Variants in ATG5 observed in about 807,000 individuals in gnomAD.
The protein encoded by ATG5 is autophagy protein 5.
ATG5 carries 14 observed loss-of-function variants against 36.5 expected under a neutral mutation model. That is an observed-to-expected ratio of 0.38 (90% CI 0.25 to 0.60). The LOEUF is 0.60. Among genes scored for constraint, ATG5 ranks in the 20% least tolerant of loss-of-function variants. The pLI, the probability that ATG5 is intolerant of heterozygous loss-of-function variation, is 0.60. For missense variants in ATG5, 195 were observed against 326.7 expected (o/e 0.60, Z 3.11); for synonymous variants, 95 against 101.5 (o/e 0.94, Z 0.38).
intron 1 of ATG5, among the ~76,000 whole-genome samples, chr6:106,323,250 T>A (rs1048783957): frequency 7.1e-6 from 1 of 140,134 alleles, no homozygotes; most frequent in African/African-American, 2.7e-5. Flanking sequence ...TTTCGCTAAG[T>A]GGAAAAGTCC....
intron 5 of ATG5, among the ~76,000 whole-genome samples, chr6:106,248,508 GACT>G (rs1778439967): frequency 6.6e-6 from 1 of 151,760 alleles, no homozygotes; most frequent in Non-Finnish European, 1.5e-5. Flanking sequence ...ATAAACATAC[GACT>G]ACTTGTGTTA....
chr6:106,227,439 TAA>T (rs1288497083), intron 6 of ATG5, among the ~76,000 whole-genome samples: 1 of 151,990 alleles, frequency 6.6e-6, no homozygotes, highest in African/African-American at 2.4e-5. Context: ...CTACAAAGAA[TAA>T]AAAGATTGGC....
At chr6:106,318,403 G>A (rs1770939935) in intron 1 of ATG5, among the ~76,000 whole-genome samples, 1 of 152,056 alleles carries the variant, frequency 6.6e-6, no homozygotes, top group Non-Finnish European at 1.5e-5. Flanking sequence ...TAAAATGAAT[G>A]ACCAATGCTG....
chr6:106,307,535 CTTTT>C (rs34511184), intron 3 of ATG5, among the ~76,000 whole-genome samples: 2 of 105,146 alleles, frequency 1.9e-5, no homozygotes, highest in African/African-American at 3.5e-5. Context: ...TTTCAATACC[CTTTT>C]TTTTTTTTTT....
At chr6:106,266,403 T>A (rs1779231273) in intron 5 of ATG5, among the ~76,000 whole-genome samples, 1 of 152,194 alleles carries the variant, frequency 6.6e-6, no homozygotes, top group Non-Finnish European at 1.5e-5. Flanking sequence ...CACAGCTGAA[T>A]TCTACCACAG....
intron 2 of ATG5, 38 bp from the exon 3 acceptor site, chr6:106,308,529 G>T: frequency 7.1e-7 from 1 of 1,417,404 alleles, no homozygotes; most frequent in Non-Finnish European, 9.4e-7. Context: ...TTATTTACTA[G>T]TTATTATTTT....
chr6:106,226,091 T>G (rs904389400), intron 6 of ATG5, among the ~76,000 whole-genome samples: 4 of 152,172 alleles, frequency 2.6e-5, no homozygotes, highest in African/African-American at 4.8e-5. Flanking sequence ...ATAAATTGCT[T>G]GCCGTATCAT....
intron 6 of ATG5, among the ~76,000 whole-genome samples, chr6:106,206,999 T>C (rs1020488003): frequency 1.3e-5 from 2 of 152,208 alleles, no homozygotes; most frequent in Non-Finnish European, 2.9e-5. Flanking sequence ...AGAAAGCCAC[T>C]GCAAACAGGA....
At chr6:106,295,063 TAC>T (rs201452945) in intron 3 of ATG5, among the ~76,000 whole-genome samples, 51 of 150,622 alleles carry the variant, frequency 3.4e-4, no homozygotes, top group African/African-American at 8.3e-4. Flanking sequence ...AAAATATACA[TAC>T]ACACACACAC....
At chr6:106,305,382 A>G (rs929602112) in intron 3 of ATG5, among the ~76,000 whole-genome samples, 14 of 152,220 alleles carry the variant, frequency 9.2e-5, no homozygotes, top group Admixed American at 1.3e-4. Context: ...AAATAAAGTC[A>G]TATTTTTCCC....
intron 3 of ATG5, among the ~76,000 whole-genome samples, chr6:106,295,285 G>C (rs1013800352): frequency 6.6e-6 from 1 of 152,110 alleles, no homozygotes; most frequent in Non-Finnish European, 1.5e-5. Flanking sequence ...CTTAATTAAA[G>C]TTTTATTCAC....
chr6:106,236,618 T>A (rs1000877701), intron 6 of ATG5, among the ~76,000 whole-genome samples: 1 of 152,226 alleles, frequency 6.6e-6, no homozygotes, highest in Non-Finnish European at 1.5e-5. Flanking sequence ...ATGTGCTTAT[T>A]AGCCATTCCT....
At chr6:106,189,516 G>A (rs892605783) in intron 7 of ATG5, among the ~76,000 whole-genome samples, 2 of 152,054 alleles carry the variant, frequency 1.3e-5, no homozygotes, top group African/African-American at 2.4e-5. Flanking sequence ...AGCTACTTGG[G>A]AGGCTGAGGT....
At chr6:106,245,585 A>G (rs553540461) in intron 6 of ATG5, among the ~76,000 whole-genome samples, 2 of 152,294 alleles carry the variant, frequency 1.3e-5, no homozygotes, top group East Asian at 3.9e-4. Context: ...TGAGGCTTCA[A>G]CAAGATAAGA....
intron 3 of ATG5, among the ~76,000 whole-genome samples, chr6:106,294,384 G>A (rs1029790359): frequency 2.6e-5 from 4 of 151,700 alleles, no homozygotes; most frequent in African/African-American, 9.7e-5. Flanking sequence ...TGCACTGCAA[G>A]GAGCAGTACA....
chr6:106,203,951 A>G (rs904428372), intron 6 of ATG5, among the ~76,000 whole-genome samples: 1 of 152,224 alleles, frequency 6.6e-6, no homozygotes, highest in African/African-American at 2.4e-5. Context: ...GCTGGAAACT[A>G]TCATTCTCAG....
chr6:106,211,961 T>C (rs575886007), intron 6 of ATG5, among the ~76,000 whole-genome samples: 2 of 152,366 alleles, frequency 1.3e-5, no homozygotes, highest in African/African-American at 4.8e-5. Context: ...ATTTATTTGA[T>C]TTACAAGGGT....
Position 106,322,919 on chromosome 6 carries a change from A to ATTTAT in ATG5, c.-59+2602_-59+2606dup, listed in dbSNP as rs534177214. 9.2e-5 allele frequency among the ~76,000 whole-genome samples: 14 copies of ATTTAT among 151,980 alleles called. No homozygotes were observed. In the South Asian group the frequency reaches 2.3e-3, roughly 25 times the overall value. ...ATCTTCCTTCCTCCTCTCTCCTATC[A>ATTTAT]TTTATTTTATTTTATTTTGAGACGG... On this transcript the variant is annotated intron_variant, in intron 1 of 7. Transcript: ENST00000369076.
At chr6:106,285,568 G>A (rs1008548545) in intron 4 of ATG5, among the ~76,000 whole-genome samples, 3 of 152,152 alleles carry the variant, frequency 2.0e-5, no homozygotes, top group African/African-American at 7.2e-5. Flanking sequence ...TCTTACTCTA[G>A]GGTTAAAGAC....
Sources: allele counts gnomAD v4.1 joint callset (sites outside exome capture counted in the v4.1 genomes callset), GRCh38; gene constraint gnomAD v4.1.1; transcripts MANE v1.5; gene names NCBI Gene and HGNC (gene_info 2026-07-23, HGNC 2026-07-21).